DGLUCY: variants seen among roughly 807,000 people sequenced by gnomAD.
DGLUCY encodes the protein D-glutamate cyclase, mitochondrial.
A neutral mutation model predicts 58.5 loss-of-function variants in DGLUCY; 58 were observed. The ratio of observed to expected loss-of-function variants is 0.99; its 90% CI spans 0.80 to 1.23. The LOEUF is 1.23. Among genes scored for constraint, DGLUCY ranks in the 50% most tolerant of loss-of-function variants. The pLI is 0.00. For missense variants in DGLUCY, 779 were observed against 784.7 expected (o/e 0.99, Z 0.09); for synonymous variants, 325 against 314.1 (o/e 1.03, Z -0.37).
chr14:91,195,309 C>A (rs985411685), intron 9 of DGLUCY, among the ~76,000 whole-genome samples: 4 of 152,194 alleles, frequency 2.6e-5, no homozygotes, highest in African/African-American at 9.6e-5. Flanking sequence ...TAATGAAAAC[C>A]AAGTTCATTT....
intron 1 of DGLUCY, among the ~76,000 whole-genome samples, chr14:91,143,867 G>A (rs2046871596): frequency 6.6e-6 from 1 of 152,098 alleles, no homozygotes; most frequent in Non-Finnish European, 1.5e-5. Flanking sequence ...TGAAAAAACG[G>A]AGACACAAAT....
chr14:91,194,542 T>TA (rs2050092229), intron 9 of DGLUCY, among the ~76,000 whole-genome samples: 1 of 139,226 alleles, frequency 7.2e-6, no homozygotes, highest in African/African-American at 2.7e-5. Context: ...CAGTGAGGGA[T>TA]CCTTTTTTTT....
At chr14:91,191,211 A>G (rs1454083159) in intron 9 of DGLUCY, among the ~76,000 whole-genome samples, 1 of 152,194 alleles carries the variant, frequency 6.6e-6, no homozygotes, top group Non-Finnish European at 1.5e-5. Flanking sequence ...AGCCAGTCAT[A>G]TTGTATGACT....
intron 7 of DGLUCY, among the ~76,000 whole-genome samples, chr14:91,177,193 G>A (rs538719992): frequency 6.6e-6 from 1 of 152,216 alleles, no homozygotes; most frequent in East Asian, 1.9e-4. Flanking sequence ...TAGAGATGGG[G>A]TCTTGTTACA....
upstream of DGLUCY, chr14:91,113,989 A>T (rs2044758333): frequency 6.6e-6 from 1 of 152,300 alleles, no homozygotes; most frequent in Non-Finnish European, 1.5e-5. Context: ...GGGTCCAGCC[A>T]GCTGCCAGCA....
intron 11 of DGLUCY, among the ~76,000 whole-genome samples, chr14:91,201,844 G>T (rs1350055366): frequency 6.6e-6 from 1 of 151,876 alleles, no homozygotes; most frequent in East Asian, 1.9e-4. Context: ...CCTGAGCTCA[G>T]GAGTTCCAGA....
chr14:91,114,860 T>TCGC (rs577117800), intron 1 of DGLUCY: 91 of 152,456 alleles, frequency 6.0e-4, no homozygotes, highest in African/African-American at 2.1e-3. Flanking sequence ...CTGTAAATCC[T>TCGC]CGCCAAGTCT....
chr14:91,178,705 T>G (rs1371903945), intron 7 of DGLUCY, among the ~76,000 whole-genome samples: 1 of 152,192 alleles, frequency 6.6e-6, no homozygotes, highest in Non-Finnish European at 1.5e-5. Flanking sequence ...TAGATTTTTA[T>G]TTTGAAGTGC....
At chr14:91,078,559 A>G (rs2044069219) in intron 1 of DGLUCY, among the ~76,000 whole-genome samples, 1 of 152,198 alleles carries the variant, frequency 6.6e-6, no homozygotes, top group South Asian at 2.1e-4. Flanking sequence ...GTGAACCAGC[A>G]TGTGCCTCAT....
At chr14:91,176,126 G>C in intron 7 of DGLUCY, 70 bp downstream of exon 7, 1 of 1,540,512 alleles carries the variant, frequency 6.5e-7, no homozygotes, top group Non-Finnish European at 8.8e-7. Context: ...GTTCTTGAAA[G>C]CATATTCTCG....
intron 8 of DGLUCY, chr14:91,185,471 G>A (rs968457422): frequency 1.3e-5 from 2 of 150,374 alleles, no homozygotes; most frequent in African/African-American, 4.9e-5. Flanking sequence ...TTTTTGTAGA[G>A]ATGGGGTCTC....
At chr14:91,216,819 A>G (rs752792856) in intron 13 of DGLUCY, among the ~76,000 whole-genome samples, 4 of 152,158 alleles carry the variant, frequency 2.6e-5, no homozygotes, top group Non-Finnish European at 4.4e-5. Flanking sequence ...TTCTAGGTAC[A>G]CTCTGTAGCC....
chr14:91,172,809 G>T (rs573722287), intron 5 of DGLUCY, among the ~76,000 whole-genome samples: 9 of 152,208 alleles, frequency 5.9e-5, no homozygotes, highest in Middle Eastern at 3.4e-3. Context: ...ACCATGCCCG[G>T]CGAACTTTTG....
At chr14:91,204,915 C>T (rs760875515) in intron 12 of DGLUCY, 90 bp downstream of exon 12, 22 of 1,566,390 alleles carry the variant, frequency 1.4e-5, no homozygotes, top group Non-Finnish European at 1.8e-5. Context: ...CTCTTCTTCT[C>T]TGCAGTCAGT....
intron 3 of DGLUCY, among the ~76,000 whole-genome samples, chr14:91,163,418 T>A (rs2048102607): frequency 6.6e-6 from 1 of 152,202 alleles, no homozygotes; most frequent in Non-Finnish European, 1.5e-5. Context: ...GAGACTGGCA[T>A]CAGGTTCCTT....
intron 2 of DGLUCY, among the ~76,000 whole-genome samples, chr14:91,159,584 T>G (rs985761824): frequency 6.6e-6 from 1 of 152,208 alleles, no homozygotes; most frequent in Non-Finnish European, 1.5e-5. Context: ...AAAAAACACA[T>G]TCTACTTTTA....
At position 91,123,846 on chromosome 14, in the gene DGLUCY, G is replaced by T. The variant is rs144767728; in HGVS notation, c.-82+9563G>T. Among the ~76,000 whole-genome samples, 331 of 152,150 alleles carry T rather than the reference G, an allele frequency of 2.2e-3. 1 individual carries two copies. Among genetic ancestry groups the T allele is most frequent in the African/African-American group, 7.3e-3 (303 of 41,506 alleles). ...GCCTGCCTTGGCCTGCCAAAGTGCT[G>T]GGATTACACGCATGAGCCACTGCAT... On this transcript the variant is annotated intron_variant, in intron 1 of 13. Transcript: ENST00000256324.
chr14:91,135,476 C>T (rs544904603), intron 1 of DGLUCY, among the ~76,000 whole-genome samples: 1 of 151,914 alleles, frequency 6.6e-6, no homozygotes, highest in South Asian at 2.1e-4. Flanking sequence ...ATGGTGAAAC[C>T]CCGTCTCTAC....
intron 1 of DGLUCY, among the ~76,000 whole-genome samples, chr14:91,143,252 C>T (rs1331706262): frequency 1.3e-5 from 2 of 151,844 alleles, no homozygotes; most frequent in South Asian, 2.1e-4. Context: ...CCCTCCACCA[C>T]GCCCGGCTAA....
Sources: gnomAD v4.1 joint callset for allele counts (sites outside exome capture counted in the v4.1 genomes callset) on GRCh38, gnomAD v4.1.1 for gene constraint, MANE v1.5 for transcripts, NCBI Gene and HGNC (gene_info 2026-07-23, HGNC 2026-07-21) for gene names.